Variants in ATP13A3 observed in about 807,000 individuals in gnomAD.
ATP13A3 encodes ATPase 13A3.
In ATP13A3, 59 loss-of-function variants were observed where a neutral mutation model predicts 158.1. That is an observed-to-expected ratio of 0.37 (90% CI 0.30 to 0.46). The LOEUF is 0.46. ATP13A3 is among the 20% of genes least tolerant of loss of function. The pLI is 1.00. For synonymous variants in ATP13A3, 491 were observed against 504.3 expected, an observed-to-expected ratio of 0.97 and a Z score of 0.35; for missense variants, 1,166 against 1,525.2, an observed-to-expected ratio of 0.76 and a Z score of 3.92.
rs750749580 is a variant in ATP13A3 at position 194,457,179 on chromosome 3, A to G, written c.480-5T>C. 1 of 1,608,554 alleles carries G rather than the reference A, an allele frequency of 6.2e-7. No homozygotes were observed. Among genetic ancestry groups the G allele is most frequent in the South Asian group, 1.1e-5 (1 of 90,332 alleles). On this transcript the variant is annotated splice_region_variant and splice_polypyrimidine_tract_variant and intron_variant, in intron 6 of 33. Coordinates refer to ENST00000645319, the MANE Select transcript of ATP13A3 (RefSeq NM_001367549.1). ...GAAACACCTTCATCCAGTCCCCTAA[A>G]TAAATCCAAAGTTTTTACTTTAAAC...
chr3:194,462,305 T>C, intron 2 of ATP13A3, 69 bp from the exon 3 acceptor site: 1 of 1,062,506 alleles, frequency 9.4e-7, no homozygotes, highest in Non-Finnish European at 1.4e-6. Flanking sequence ...AACTGCATTC[T>C]ATCAACTGTC....
chr3:194,437,495 T>C (rs1331022020), intron 18 of ATP13A3, 31 bp from the exon 19 acceptor site: 1 of 1,613,460 alleles, frequency 6.2e-7, no homozygotes, highest in East Asian at 2.2e-5. Flanking sequence ...CACAAAGCAC[T>C]TAATATTCTT....
intron 33 of ATP13A3, among the ~76,000 whole-genome samples, chr3:194,409,962 C>A (rs1055746095): frequency 1.3e-5 from 2 of 151,722 alleles, no homozygotes; most frequent in Admixed American, 6.6e-5. Context: ...AAGAACTCTC[C>A]TTCCTAAAGC....
At chr3:194,420,364 C>T (rs1008311171) in intron 30 of ATP13A3, 2 of 154,340 alleles carry the variant, frequency 1.3e-5, no homozygotes, top group African/African-American at 4.8e-5. Flanking sequence ...ATGAGATTAT[C>T]ATTTAAAACA....
chr3:194,417,758 G>C (rs1715971361), intron 31 of ATP13A3, among the ~76,000 whole-genome samples: 1 of 151,894 alleles, frequency 6.6e-6, no homozygotes, highest in Admixed American at 6.6e-5. Context: ...GGGCAACACA[G>C]TGAAACCCCA....
At chr3:194,410,296 CAAAAAAAAAAAAA>C (rs772008929) in intron 33 of ATP13A3, among the ~76,000 whole-genome samples, 11 of 21,802 alleles carry the variant, frequency 5.0e-4, no homozygotes, top group East Asian at 1.5e-3. Flanking sequence ...CTCCTCTCTG[CAAAAAAAAAAAAA>C]AAAAAAAAAA....
Position 194,405,748 on chromosome 3 carries a change from G to T in ATP13A3, c.*171C>A. On this transcript the variant is annotated 3_prime_UTR_variant, in exon 34 of 34. Coordinates refer to ENST00000645319, the MANE Select transcript of ATP13A3 (RefSeq NM_001367549.1). ...TGATTGTTAATTTAACTGTTAGGACGATATATTTTTCTGTTTTTATTTTAA... is the reference window on the plus strand; with the variant it reads ...TGATTGTTAATTTAACTGTTAGGACTATATATTTTTCTGTTTTTATTTTAA... 1.5e-6 allele frequency: 1 copy of T among 654,234 alleles called. No homozygotes were observed. The allele number at this position is 654,234 out of a possible 1,614,324, so 40.5% of individuals were successfully genotyped here. A position where few individuals can be genotyped will look rare whatever the true frequency, so the allele number is the denominator to read the frequency against.
upstream of ATP13A3, among the ~76,000 whole-genome samples, chr3:194,490,318 G>T (rs768579171): frequency 1.3e-5 from 2 of 152,146 alleles, no homozygotes; most frequent in Non-Finnish European, 2.9e-5. The surrounding 1 kb of genome is among the most constrained non-coding windows in gnomAD (Gnocchi z 4.4). Context: ...CCACTGTTAG[G>T]CCAACTCCAG....
intron 20 of ATP13A3, among the ~76,000 whole-genome samples, chr3:194,436,172 T>C (rs989761646): frequency 9.9e-5 from 15 of 152,080 alleles, no homozygotes; most frequent in African/African-American, 3.6e-4. Context: ...CTCCCCCAAA[T>C]AGGCAGAATT....
chr3:194,406,224 T>C (rs1714918880), intron 33 of ATP13A3, 108 bp from the exon 34 acceptor site: 3 of 1,184,952 alleles, frequency 2.5e-6, no homozygotes, highest in African/African-American at 1.6e-5. Flanking sequence ...TAAGAGGAAA[T>C]GACTTCTGAG....
chr3:194,478,776 C>T (rs1720630511), intron 2 of ATP13A3, among the ~76,000 whole-genome samples: 1 of 152,132 alleles, frequency 6.6e-6, no homozygotes, highest in Non-Finnish European at 1.5e-5. Flanking sequence ...TGAATGGTAT[C>T]CTCTGGACTT....
At chr3:194,468,855 G>T (rs1471989171) in intron 2 of ATP13A3, among the ~76,000 whole-genome samples, 1 of 152,102 alleles carries the variant, frequency 6.6e-6, no homozygotes, top group African/African-American at 2.4e-5. Flanking sequence ...GCCATCTTCA[G>T]CAGTACTGAA....
At chr3:194,456,380 C>T (rs896849453) in intron 7 of ATP13A3, among the ~76,000 whole-genome samples, 2 of 151,626 alleles carry the variant, frequency 1.3e-5, no homozygotes, top group Non-Finnish European at 1.5e-5. Flanking sequence ...ATTGTACATT[C>T]GACTTTAAAA....
intron 16 of ATP13A3, among the ~76,000 whole-genome samples, chr3:194,440,870 G>C (rs947547612): frequency 2.6e-5 from 4 of 152,200 alleles, no homozygotes; most frequent in African/African-American, 4.8e-5. Flanking sequence ...GGCAAAAATA[G>C]AAGGAAGTTA....
chr3:194,475,347 C>T (rs927469731), intron 2 of ATP13A3, among the ~76,000 whole-genome samples: 1 of 152,200 alleles, frequency 6.6e-6, no homozygotes, highest in South Asian at 2.1e-4. Flanking sequence ...TTTCACTCTT[C>T]CAGATTCTGA....
At chr3:194,445,714 AT>A (rs1318381004) in intron 14 of ATP13A3, among the ~76,000 whole-genome samples, 2 of 152,258 alleles carry the variant, frequency 1.3e-5, no homozygotes, top group Non-Finnish European at 2.9e-5. Context: ...CATGTTTCCC[AT>A]TTTTTTCTGT....
At chr3:194,472,752 A>G (rs7610383) in intron 2 of ATP13A3, among the ~76,000 whole-genome samples, 59,008 of 152,118 alleles carry the variant, frequency 0.39, 15,790 homozygotes, top group African/African-American at 0.77. Flanking sequence ...CAACCTAGGC[A>G]TCCACCAACA....
Position 194,405,999 on chromosome 3 carries a change from G to C in ATP13A3, c.3691C>G (p.Pro1231Ala). The change falls in exon 34 of 34, where the codon CCA becomes GCA. Residue 1231 changes from proline (P) to alanine (A), a missense_variant. Pro to Ala is a conservative substitution (Grantham distance 27). This residue lies in a region of ATP13A3 where 997 missense variants were observed against 1,341.2 expected (regional missense o/e 0.74). Transcript: ENST00000645319. ...AQELLVDPEWPPKPQTTTEAK... is the reference protein window; with the variant it reads ...AQELLVDPEWAPKPQTTTEAK... ...TCTGTGGTTGTCTGAGGTTTTGGTGGCCATTCTGGATCAACCAAGAGCTCC... is the reference window on the plus strand; with the variant it reads ...TCTGTGGTTGTCTGAGGTTTTGGTGCCCATTCTGGATCAACCAAGAGCTCC... The C allele has an allele frequency of 6.2e-7, 1 of 1,614,112 alleles. No individual in the cohort carries two copies. The highest frequency in any genetic ancestry group is 8.5e-7 in the Non-Finnish European group (1 of 1,180,036).
intron 20 of ATP13A3, among the ~76,000 whole-genome samples, chr3:194,436,129 T>A (rs534531193): frequency 6.6e-6 from 1 of 152,290 alleles, no homozygotes; most frequent in South Asian, 2.1e-4. Flanking sequence ...TTTTTCATTT[T>A]TTTTTTTTAA....
Sources: gnomAD v4.1 joint callset for allele counts (sites outside exome capture counted in the v4.1 genomes callset) on GRCh38, gnomAD v4.1.1 for gene constraint, gnomAD v4.1.1 regional missense constraint, Gnocchi (gnomAD v3.1) non-coding constraint, MANE v1.5 for transcripts, NCBI Gene and HGNC (gene_info 2026-07-23, HGNC 2026-07-21) for gene names.